EPS8: variants seen among roughly 807,000 people sequenced by gnomAD.
The protein encoded by EPS8 is EGFR pathway substrate 8, signaling adaptor, also known as epidermal growth factor receptor kinase substrate 8.
In EPS8, 42 loss-of-function variants were observed where a neutral mutation model predicts 103.8. The observed-to-expected ratio is 0.40, with a 90% CI of 0.32 to 0.52. The LOEUF (loss-of-function observed/expected upper bound fraction) is 0.52, where lower values mean the gene tolerates loss of function less well. Ranked by LOEUF, EPS8 falls within the 20% of genes least tolerant of loss-of-function variation. The pLI is 0.40. For synonymous variants in EPS8, 344 were observed against 344.6 expected, an observed-to-expected ratio of 1.00 and a Z score of 0.02; for missense variants, 969 against 1,005.1, an observed-to-expected ratio of 0.96 and a Z score of 0.49.
chr12:15,626,784 C>G (rs1397865234), intron 18 of EPS8, among the ~76,000 whole-genome samples: 1 of 152,084 alleles, frequency 6.6e-6, no homozygotes, highest in Non-Finnish European at 1.5e-5. Flanking sequence ...CACTCTTGCT[C>G]CCAATGGCTC....
chr12:15,695,599 T>C lies in EPS8; in HGVS notation c.-21-12627A>G, dbSNP rs1331174593. 2.6e-5 allele frequency among the ~76,000 whole-genome samples: 4 copies of C among 152,348 alleles called. No individual in the cohort carries two copies. Among genetic ancestry groups the C allele is most frequent in the South Asian group, 2.1e-4 (1 of 4,832 alleles). ...GCTACCACACTAGACAGGGTAGCTC[T>C]ACATATTGAGTGCATGGTTAGCAAA... On this transcript the variant is annotated intron_variant, in intron 1 of 20. Coordinates refer to ENST00000281172, the MANE Select transcript of EPS8 (RefSeq NM_004447.6). The surrounding 1 kb of genome is among the most constrained non-coding windows in gnomAD (Gnocchi z 5.0).
rs187195677 is a variant in EPS8 at position 15,677,528 on chromosome 12, C to T, written c.136+3698G>A. ...ATGTTCCAGTGCACAAAACAGTATC[C>T]TCCTATTACAAAGATGTTCATGTAC... On this transcript the variant is annotated intron_variant, in intron 3 of 20. Transcript: ENST00000281172. Among the ~76,000 whole-genome samples, 97 of 152,294 alleles carry T rather than the reference C, an allele frequency of 6.4e-4. No homozygotes were observed. In the Middle Eastern group the frequency reaches 0.017, roughly 27 times the overall value.
intron 5 of EPS8, 29 bp from the exon 6 acceptor site, chr12:15,669,565 T>A (rs1945775893): frequency 6.4e-7 from 1 of 1,573,642 alleles, no homozygotes; most frequent in South Asian, 1.2e-5. Context: ...TTTTATTTTG[T>A]CAAACTTCCA....
chr12:15,632,029 C>T (rs893065422), intron 17 of EPS8, among the ~76,000 whole-genome samples: 3 of 152,174 alleles, frequency 2.0e-5, no homozygotes, highest in South Asian at 4.2e-4. Context: ...TCCAATTGCA[C>T]TGGAAGTCTA....
intron 14 of EPS8, among the ~76,000 whole-genome samples, chr12:15,648,909 C>A (rs1444703515): frequency 6.6e-6 from 1 of 152,148 alleles, no homozygotes; most frequent in Non-Finnish European, 1.5e-5. Flanking sequence ...TCATCAGATC[C>A]TGAATTACCC....
At chr12:15,621,982 G>A (rs1020562811) in intron 20 of EPS8, among the ~76,000 whole-genome samples, 2 of 152,092 alleles carry the variant, frequency 1.3e-5, no homozygotes, top group African/African-American at 4.8e-5. Flanking sequence ...GTGGTAGAAG[G>A]TGGCTGAGGA....
chr12:15,626,180 C>G (rs1250260590), intron 18 of EPS8, among the ~76,000 whole-genome samples: 1 of 152,122 alleles, frequency 6.6e-6, no homozygotes, highest in East Asian at 1.9e-4. Flanking sequence ...GTTAGTCTGA[C>G]CTCATAATGT....
Position 15,676,711 on chromosome 12 carries a change from GCTAAGTAAAATGTTA to G in EPS8, c.136+4500_136+4514del, listed in dbSNP as rs1309148020. On this transcript the variant is annotated intron_variant, in intron 3 of 20. Transcript: ENST00000281172. Reference sequence around the variant, plus strand: ...AATTTCCAGTATTCTGATAACAGTAGCTAAGTAAAATGTTACTGTTATAACTGGAGGAGAGAGAAA... The same window carrying G: ...AATTTCCAGTATTCTGATAACAGTAGCTGTTATAACTGGAGGAGAGAGAAA... Among the ~76,000 whole-genome samples the G allele has an allele frequency of 5.7e-4, 87 of 152,274 alleles. 1 individual carries two copies. Among genetic ancestry groups the G allele is most frequent in the African/African-American group, 2.0e-3 (83 of 41,574 alleles).
intron 12 of EPS8, among the ~76,000 whole-genome samples, chr12:15,655,892 A>C (rs1249864284): frequency 6.6e-6 from 1 of 152,196 alleles, no homozygotes; most frequent in African/African-American, 2.4e-5. Context: ...GTTCCTCCCC[A>C]TCTCCCTCGT....
chr12:15,663,094 A>C (rs1945635910), intron 8 of EPS8, among the ~76,000 whole-genome samples: 1 of 151,990 alleles, frequency 6.6e-6, no homozygotes. Context: ...ATTTCTATCT[A>C]TGAAATCTTG....
chr12:15,704,144 T>G lies in EPS8; in HGVS notation c.-21-21172A>C, dbSNP rs1156537487. ...TTCATTTAAAATATCCCTTTAATGG[T>G]GTAGTCATTGTGGAAAACAGTATGG... On this transcript the variant is annotated intron_variant, in intron 1 of 20. Transcript: ENST00000281172. The surrounding 1 kb of genome is among the most constrained non-coding windows in gnomAD (Gnocchi z 4.6). 6.6e-6 allele frequency among the ~76,000 whole-genome samples: 1 copy of G among 152,022 alleles called. No individual in the cohort carries two copies. Among genetic ancestry groups the G allele is most frequent in the Non-Finnish European group, 1.5e-5 (1 of 68,008 alleles).
At position 15,679,618 on chromosome 12, in the gene EPS8, C is replaced by T. The variant is rs78311019; in HGVS notation, c.136+1608G>A. ...AGAACACAATATAACTTTCACAGCT[C>T]AGCTCAAGGCTCAATTCCTCTATTA... On this transcript the variant is annotated intron_variant, in intron 3 of 20. Transcript: ENST00000281172. 3.8e-3 allele frequency among the ~76,000 whole-genome samples: 573 copies of T among 152,286 alleles called. 4 individuals are homozygous for T. Among genetic ancestry groups the T allele is most frequent in the African/African-American group, 0.013 (536 of 41,556 alleles).
rs1488749649 is a variant in EPS8 at position 15,780,085 on chromosome 12, T to C, written c.-22+9076A>G. ...AAAAAGAACACATGAATTTGTTTGC[T>C]ACATAAAGAGCTACATTTAGAAGGC... On this transcript the variant is annotated intron_variant, in intron 1 of 20. Coordinates refer to ENST00000281172, the MANE Select transcript of EPS8 (RefSeq NM_004447.6). The surrounding 1 kb of genome is among the most constrained non-coding windows in gnomAD (Gnocchi z 4.1). The C allele has an allele frequency of 1.3e-5, 2 of 152,210 alleles. No homozygotes were observed. The highest frequency in any genetic ancestry group is 4.8e-5 in the African/African-American group (2 of 41,444). 9.4% of individuals were successfully genotyped at this position (152,210 alleles called of 1,614,324 possible). A position where few individuals can be genotyped will look rare whatever the true frequency, so the allele number is the denominator to read the frequency against.
chr12:15,729,421 A>G (rs1946688952), intron 1 of EPS8, among the ~76,000 whole-genome samples: 1 of 152,046 alleles, frequency 6.6e-6, no homozygotes, highest in African/African-American at 2.4e-5. Flanking sequence ...ATTGTCTCAC[A>G]ATTCTTAAAT....
Position 15,623,290 on chromosome 12 carries a change from A to G in EPS8, c.2226-3T>C. The G allele has an allele frequency of 1.1e-5, 3 of 268,166 alleles. No homozygotes were observed. Among genetic ancestry groups the G allele is most frequent in the East Asian group, 2.4e-4 (2 of 8,398 alleles). The allele number at this position is 268,166 out of a possible 1,614,324, so 16.6% of individuals were successfully genotyped here. ...ATACTCCAAGACTATTGACAGTCCT[A>G]AAAAAAAAAAAAGGAAAAAGAAACT... On this transcript the variant is annotated splice_polypyrimidine_tract_variant and splice_region_variant and intron_variant, in intron 19 of 20. Transcript: ENST00000281172.
chr12:15,686,576 T>G (rs1946098811), intron 1 of EPS8, among the ~76,000 whole-genome samples: 2 of 152,188 alleles, frequency 1.3e-5, no homozygotes, highest in East Asian at 3.9e-4. Context: ...GTTAAGCGAA[T>G]GAAAAATGTA....
At chr12:15,669,609 A>G (rs1414873447) in intron 5 of EPS8, 55 bp downstream of exon 5, 1 of 1,555,428 alleles carries the variant, frequency 6.4e-7, no homozygotes, top group African/African-American at 1.4e-5. Context: ...GATTGTAAAC[A>G]TTAATATTTG....
At chr12:15,665,498 T>G in intron 8 of EPS8, 3 of 385,616 alleles carry the variant, frequency 7.8e-6, no homozygotes, top group Non-Finnish European at 1.4e-5. Flanking sequence ...ACCCACCTAA[T>G]TTTTGTATTT....
intron 15 of EPS8, among the ~76,000 whole-genome samples, chr12:15,646,214 T>C (rs1945317031): frequency 6.6e-6 from 1 of 152,208 alleles, no homozygotes; most frequent in Non-Finnish European, 1.5e-5. Context: ...GTGTAATTTC[T>C]ACAGCAATTA....
Sources: gnomAD v4.1 joint callset for allele counts (sites outside exome capture counted in the v4.1 genomes callset) on GRCh38, gnomAD v4.1.1 for gene constraint, Gnocchi (gnomAD v3.1) non-coding constraint, MANE v1.5 for transcripts, NCBI Gene and HGNC (gene_info 2026-07-23, HGNC 2026-07-21) for gene names.